FMNL1: variants seen among roughly 807,000 people sequenced by gnomAD.
FMNL1 encodes the protein formin like 1, also known as formin-like protein 1.
FMNL1 carries 43 observed loss-of-function variants against 121.3 expected under a neutral mutation model. That is an observed-to-expected ratio of 0.35 (90% CI 0.28 to 0.46). FMNL1 has a LOEUF of 0.46. Among genes scored for constraint, FMNL1 ranks in the 20% least tolerant of loss-of-function variants. FMNL1 has a pLI of 1.00. For synonymous variants in FMNL1, 613 were observed against 613.5 expected (o/e 1.00, Z 0.01); for missense variants, 1,191 against 1,482.4 (o/e 0.80, Z 3.23).
At chr17:45,229,922 C>T (rs1257031127) in intron 1 of FMNL1, among the ~76,000 whole-genome samples, 2 of 152,200 alleles carry the variant, frequency 1.3e-5, no homozygotes, top group African/African-American at 2.4e-5. Flanking sequence ...CAAATCTCCC[C>T]GCCCCTGCAG....
Position 45,245,964 on chromosome 17 carries a change from A to C in FMNL1, c.3081A>C (p.Pro1027=). The stretch of plus-strand genomic sequence containing the variant: ...ATACCCCGGGCAAAGGGGAGCCCCC[A>C]GCACCCAAGGTAGGCAACTGCTCCT... ...GADTPGKGEP[P]APKSPPKARR... is the part of the protein sequence containing the mutation. Residue 1027 remains proline, a synonymous_variant, in exon 24 of 27, where the codon CCA becomes CCC. Coordinates refer to ENST00000331495, the MANE Select transcript of FMNL1 (RefSeq NM_005892.4). 6.4e-7 allele frequency: 1 copy of C among 1,563,676 alleles called. No individual in the cohort carries two copies.
At chr17:45,223,975 C>T (rs1225033221) in intron 1 of FMNL1, among the ~76,000 whole-genome samples, 3 of 152,140 alleles carry the variant, frequency 2.0e-5, no homozygotes, top group Non-Finnish European at 4.4e-5. Context: ...GAGTCTGACA[C>T]TAAATGCCAC....
chr17:45,244,138 G>C, intron 18 of FMNL1, 38 bp from the exon 19 acceptor site: 2 of 1,611,216 alleles, frequency 1.2e-6, no homozygotes, highest in African/African-American at 1.3e-5. Context: ...AGATGGAGGA[G>C]GCTCCAACTT....
At chr17:45,226,368 C>T (rs757813403) in intron 1 of FMNL1, among the ~76,000 whole-genome samples, 1 of 152,152 alleles carries the variant, frequency 6.6e-6, no homozygotes, top group Non-Finnish European at 1.5e-5. Context: ...CAACAGGAAG[C>T]GTGGGGCGCT....
At position 45,221,917 on chromosome 17, in the gene FMNL1, C is replaced by G; in HGVS notation, c.-208C>G. On this transcript the variant is annotated 5_prime_UTR_variant, in exon 1 of 27. Coordinates refer to ENST00000331495, the MANE Select transcript of FMNL1 (RefSeq NM_005892.4). The stretch of plus-strand genomic sequence containing the variant: ...TCCCCCAACCCTGCAGCTCGCCGCC[C>G]GGTCCCACGGACGGGGCCGCCCCGA... The G allele has an allele frequency of 3.0e-6, 1 of 338,294 alleles. No homozygotes were observed. Among genetic ancestry groups the G allele is most frequent in the Non-Finnish European group, 5.3e-6 (1 of 189,558 alleles). The allele number at this position is 338,294 out of a possible 1,614,324, so 21.0% of individuals were successfully genotyped here.
At position 45,243,189 on chromosome 17, in the gene FMNL1, T is replaced by G; in HGVS notation, c.2082T>G (p.Ala694=). The G allele has an allele frequency of 6.2e-7, 1 of 1,614,144 alleles. No homozygotes were observed. The highest frequency in any genetic ancestry group is 1.1e-5 in the South Asian group (1 of 91,078). The change falls in exon 17 of 27, where the codon GCT becomes GCG. Residue 694 remains alanine (A), a synonymous_variant. Coordinates refer to ENST00000331495, the MANE Select transcript of FMNL1 (RefSeq NM_005892.4). ...AAGGCCCCAGCCTGGACCTCAGCGC[T>G]CTCAAGAGTAAGGCAGCCCAGAAGG... ...KSQGPSLDLS[A]LKSKAAQKAP... is the part of the protein sequence containing the mutation.
At position 45,241,567 on chromosome 17, in the gene FMNL1, C is replaced by A. The variant is rs1285291667; in HGVS notation, c.1518C>A (p.Val506=). Reference sequence around the variant, plus strand: ...CTGTCTCCATCGAGATCCTCCCCGTCGCTGTGGCAACTCCGAGCGGCGGTG... The same window carrying A: ...CTGTCTCCATCGAGATCCTCCCCGTAGCTGTGGCAACTCCGAGCGGCGGTG... ...GDAVSIEILP[V]AVATPSGGDA... Residue 506 remains valine, a synonymous_variant, in exon 14 of 27, where the codon GTC becomes GTA. Coordinates refer to ENST00000331495, the MANE Select transcript of FMNL1 (RefSeq NM_005892.4). This position sits in a 1 kb window ranked among gnomAD's most constrained non-coding sequence, Gnocchi z 7.0. The A allele has an allele frequency of 6.4e-7, 1 of 1,567,266 alleles. No homozygotes were observed. Among genetic ancestry groups the A allele is most frequent in the Non-Finnish European group, 8.6e-7 (1 of 1,156,200 alleles).
chr17:45,242,067 T>TCCGCCGCCGCCG lies in FMNL1; in HGVS notation c.1821_1832dup (p.Pro609_Pro612dup), dbSNP rs372669041. On this transcript the variant is annotated inframe_insertion, in exon 15 of 27. Coordinates refer to ENST00000331495, the MANE Select transcript of FMNL1 (RefSeq NM_005892.4). Reference sequence around the variant, plus strand: ...CTCCGGGCACTGACGGGCCGGTGCCTCCGCCGCCGCCGCCGCCGCCGCCGC... The same window carrying TCCGCCGCCGCCG: ...CTCCGGGCACTGACGGGCCGGTGCCTCCGCCGCCGCCGCCGCCGCCGCCGCCGCCGCCGCCGC... The TCCGCCGCCGCCG allele has an allele frequency of 7.5e-6, 11 of 1,461,876 alleles. No homozygotes were observed. Among genetic ancestry groups the TCCGCCGCCGCCG allele is most frequent in the Middle Eastern group, 1.9e-4 (1 of 5,226 alleles). 90.6% of individuals were successfully genotyped at this position (1,461,876 alleles called of 1,614,324 possible). A position where few individuals can be genotyped will look rare whatever the true frequency, so the allele number is the denominator to read the frequency against.
intron 1 of FMNL1, among the ~76,000 whole-genome samples, chr17:45,230,089 C>T (rs1464387082): frequency 3.3e-5 from 5 of 152,192 alleles, no homozygotes; most frequent in Admixed American, 6.5e-5. Flanking sequence ...TCCTGGTGTT[C>T]GTGAGGCACT....
chr17:45,240,523 G>A lies in FMNL1; in HGVS notation c.1128G>A (p.Ala376=), dbSNP rs532139991. 2.9e-5 allele frequency: 46 copies of A among 1,613,818 alleles called. No homozygotes were observed. Among genetic ancestry groups the A allele is most frequent in the Admixed American group, 5.0e-5 (3 of 60,000 alleles). The change falls in exon 12 of 27, where the codon GCG becomes GCA. Residue 376 remains alanine (A), a synonymous_variant. Transcript: ENST00000331495. The part of the protein sequence containing the change: ...ESDKLQVQIQ[A]YLDNIFDVGA... ...ACAAGCTGCAGGTGCAGATCCAGGC[G>A]TACCTGGACAATATTTTTGATGTGG...
Position 45,243,978 on chromosome 17 carries a change from C to T in FMNL1, c.2401C>T (p.Leu801Phe). 2 of 1,612,630 alleles carry T rather than the reference C, an allele frequency of 1.2e-6. No individual in the cohort carries two copies. Among genetic ancestry groups the T allele is most frequent in the Admixed American group, 1.7e-5 (1 of 60,030 alleles). Residue 801 changes from leucine to phenylalanine, a missense_variant, in exon 18 of 27, where the codon CTC becomes TTC. Leu to Phe is a conservative substitution (Grantham distance 22). Transcript: ENST00000331495. ...GCGCCTGCCGGAGCGCATGACCACA[C>T]TCACCTTCCTGGGCAACTTCCCGGA... is the stretch of plus-strand genomic sequence containing the variant. ...IPRLPERMTT[L>F]TFLGNFPDTA...
In FMNL1 at chr17:45,241,228, C is replaced by T. The variant is rs202029598; in HGVS notation, c.1330C>T (p.Arg444Trp). Residue 444 changes from arginine to tryptophan, a missense_variant and splice_region_variant, in exon 13 of 27, where the codon CGG (arginine) becomes TGG (tryptophan). Physicochemically the swap from Arg to Trp is moderately radical, Grantham distance 101. Around this residue, in one of 4 missense-constraint regions of FMNL1, gnomAD observed 519 missense variants for 492.8 expected, o/e 1.05. Coordinates refer to ENST00000331495, the MANE Select transcript of FMNL1 (RefSeq NM_005892.4). The surrounding 1 kb of genome is among the most constrained non-coding windows in gnomAD (Gnocchi z 7.0). ...SQARKELETL[R>W]ERFSESTAMG... ...GGCGCGCAAGGAGTTGGAGACCCTG[C>T]GGGTGAGGCTGGGGCGGGTGGTAGG... is the stretch of plus-strand genomic sequence containing the variant. The T allele has an allele frequency of 6.2e-6, 10 of 1,614,008 alleles. No homozygotes were observed. Among genetic ancestry groups the T allele is most frequent in the East Asian group, 2.2e-5 (1 of 44,870 alleles).
chr17:45,230,895 G>C (rs2043423757), intron 2 of FMNL1, among the ~76,000 whole-genome samples: 1 of 152,186 alleles, frequency 6.6e-6, no homozygotes, highest in Admixed American at 6.5e-5. Flanking sequence ...GACCTTGTGA[G>C]TCACTAGCAG....
chr17:45,227,554 A>G (rs1420288020), intron 1 of FMNL1, among the ~76,000 whole-genome samples: 1 of 152,204 alleles, frequency 6.6e-6, no homozygotes, highest in African/African-American at 2.4e-5. Flanking sequence ...CACTAAAGGC[A>G]GCAGGGAAAG....
rs761251791 is a variant in FMNL1, at chr17:45,238,514, C to T, written c.895-50C>T. 25 of 1,601,676 alleles carry T rather than the reference C, an allele frequency of 1.6e-5. No individual in the cohort carries two copies. The South Asian group carries it at 2.7e-4, about 17-fold the overall frequency. On this transcript the variant is annotated intron_variant, in intron 9 of 26. Transcript: ENST00000331495. ...CACAGGTGTGGCAGCCAGAAGGTAG[C>T]TTAGGACGTGTGTCACTGGGCCTCA... is the stretch of plus-strand genomic sequence containing the variant.
Position 45,233,314 on chromosome 17 carries a change from A to G in FMNL1, c.401+17A>G, listed in dbSNP as rs1016414741. 1.4e-5 allele frequency: 22 copies of G among 1,553,220 alleles called. No individual in the cohort carries two copies. In the African/African-American group the frequency reaches 3.0e-4, roughly 21 times the overall value. ...CCACATTGGGTGAGTGAGGGCTCAG[A>G]TCTTCCTCTCTGGGCCTAGGAAGGC... is the stretch of plus-strand genomic sequence containing the variant. On this transcript the variant is annotated intron_variant, in intron 4 of 26. Transcript: ENST00000331495. This position sits in a 1 kb window ranked among gnomAD's most constrained non-coding sequence, Gnocchi z 4.1.
chr17:45,240,466 TG>T lies in FMNL1; in HGVS notation c.1081-5del, dbSNP rs2043662302. 1 of 1,605,064 alleles carries T rather than the reference TG, an allele frequency of 6.2e-7. No homozygotes were observed. On this transcript the variant is annotated splice_polypyrimidine_tract_variant and intron_variant, in intron 11 of 26. Coordinates refer to ENST00000331495, the MANE Select transcript of FMNL1 (RefSeq NM_005892.4). The stretch of plus-strand genomic sequence containing the variant: ...CAGGCCTCACCCCACTCCTTCCATC[TG>T]GGGGACAGAGGCTTCGGCTCACCGA...
Position 45,241,551 on chromosome 17 carries a change from T to G in FMNL1, c.1502T>G (p.Ile501Ser). ...CGGGGGCCGGGGGATGCTGTCTCCA[T>G]CGAGATCCTCCCCGTCGCTGTGGCA... ...ILRGPGDAVSIEILPVAVATP... is the reference protein window; with the variant it reads ...ILRGPGDAVSSEILPVAVATP... Residue 501 changes from isoleucine to serine, a missense_variant, in exon 14 of 27, where the codon ATC becomes AGC. Ile to Ser is a moderately radical substitution (Grantham distance 142, BLOSUM62 -2). Transcript: ENST00000331495. The surrounding 1 kb of genome is among the most constrained non-coding windows in gnomAD (Gnocchi z 7.0). 2 of 1,572,124 alleles carry G rather than the reference T, an allele frequency of 1.3e-6. No homozygotes were observed. The highest frequency in any genetic ancestry group is 1.7e-6 in the Non-Finnish European group (2 of 1,159,520).
At position 45,245,312 on chromosome 17, in the gene FMNL1, C is replaced by G. The variant is rs1229565731; in HGVS notation, c.2788C>G (p.Gln930Glu). 4 of 1,614,106 alleles carry G rather than the reference C, an allele frequency of 2.5e-6. No individual in the cohort carries two copies. Among genetic ancestry groups the G allele is most frequent in the Non-Finnish European group, 8.5e-7 (1 of 1,180,046 alleles). ...CCTGCAGCGAGGCCTAGAGTTGACA[C>G]AGAGAGAGTTTGTGCGGCAGGATGA... ...RSLQRGLELT[Q>E]REFVRQDDCM... is the part of the protein sequence containing the mutation. The change falls in exon 22 of 27, where the codon CAG (glutamine) becomes GAG (glutamate). Residue 930 changes from glutamine (Q) to glutamate (E), a missense_variant. Coordinates refer to ENST00000331495, the MANE Select transcript of FMNL1 (RefSeq NM_005892.4).
Sources: gnomAD v4.1 joint callset for allele counts (sites outside exome capture counted in the v4.1 genomes callset) on GRCh38, gnomAD v4.1.1 for gene constraint, gnomAD v4.1.1 regional missense constraint, Gnocchi (gnomAD v3.1) non-coding constraint, MANE v1.5 for transcripts, NCBI Gene and HGNC (gene_info 2026-07-23, HGNC 2026-07-21) for gene names.